Variants in OPA1 observed in about 807,000 individuals in gnomAD.
The protein encoded by OPA1 is dynamin-like GTPase OPA1, mitochondrial.
A neutral mutation model predicts 152.9 loss-of-function variants in OPA1; 59 were observed. The ratio of observed to expected loss-of-function variants is 0.39; its 90% confidence interval spans 0.31 to 0.48. The LOEUF is 0.48. Among genes scored for constraint, OPA1 ranks in the 20% least tolerant of loss-of-function variants. OPA1 has a pLI of 0.96. For missense variants in OPA1, 1,008 were observed against 1,216.8 expected (o/e 0.83, Z 2.55); for synonymous variants, 400 against 389.9 (o/e 1.03, Z -0.31).
At chr3:193,609,537 A>C (rs1440892074) in intron 1 of OPA1, among the ~76,000 whole-genome samples, 1 of 151,932 alleles carries the variant, frequency 6.6e-6, no homozygotes, top group Non-Finnish European at 1.5e-5. Context: ...CTTTTCGAGG[A>C]GTATCTTTGT....
At chr3:193,611,671 C>T (rs188136127) in intron 1 of OPA1, among the ~76,000 whole-genome samples, 24 of 149,108 alleles carry the variant, frequency 1.6e-4, no homozygotes, top group Admixed American at 4.0e-4. Flanking sequence ...CCCATTGCAA[C>T]TTATGTTTTT....
intron 29 of OPA1, among the ~76,000 whole-genome samples, chr3:193,684,271 T>G (rs938922158): frequency 6.6e-6 from 1 of 152,142 alleles, no homozygotes; most frequent in African/African-American, 2.4e-5. Context: ...TTGGTTTGGC[T>G]TATCTAAAGA....
chr3:193,621,104 G>C (rs912906155), intron 6 of OPA1, among the ~76,000 whole-genome samples: 2 of 152,232 alleles, frequency 1.3e-5, no homozygotes, highest in Admixed American at 6.5e-5. Context: ...TTTAATGGTT[G>C]TCAGGTTTGT....
chr3:193,612,155 G>A (rs1198006552), intron 1 of OPA1, among the ~76,000 whole-genome samples: 6 of 152,080 alleles, frequency 3.9e-5, no homozygotes, highest in Non-Finnish European at 8.8e-5. Context: ...TTGGACCAGG[G>A]AAGTCCTTCA....
At chr3:193,641,392 G>C (rs919252854) in intron 11 of OPA1, among the ~76,000 whole-genome samples, 3 of 152,128 alleles carry the variant, frequency 2.0e-5, no homozygotes, top group Admixed American at 6.5e-5. Flanking sequence ...CTCCTTAGCA[G>C]CTTCTTTCTG....
chr3:193,668,591 C>T (rs1717209489), intron 29 of OPA1: 3 of 1,543,270 alleles, frequency 1.9e-6, no homozygotes, highest in African/African-American at 2.7e-5. Flanking sequence ...ACCCTCTTTA[C>T]CCTGCCTGTG....
intron 11 of OPA1, among the ~76,000 whole-genome samples, chr3:193,641,152 A>G (rs1368749277): frequency 6.6e-6 from 1 of 152,228 alleles, no homozygotes; most frequent in African/African-American, 2.4e-5. Flanking sequence ...TTACATTGTT[A>G]CTAGCATCCT....
At chr3:193,621,264 T>TG (rs2108905422) in intron 6 of OPA1, among the ~76,000 whole-genome samples, 1 of 152,324 alleles carries the variant, frequency 6.6e-6, no homozygotes, top group African/African-American at 2.4e-5. Context: ...TCTGGAGAAG[T>TG]GCTGGCAACT....
chr3:193,597,706 AAAAG>A (rs1414643349), intron 1 of OPA1, among the ~76,000 whole-genome samples: 1 of 151,668 alleles, frequency 6.6e-6, no homozygotes, highest in Non-Finnish European at 1.5e-5. Context: ...AAAAAAAAAA[AAAAG>A]AAATGGAAAT....
At chr3:193,667,123 A>C (rs777455927) in intron 28 of OPA1, 47 bp from the exon 29 acceptor site, 5 of 886,768 alleles carry the variant, frequency 5.6e-6, no homozygotes, top group Middle Eastern at 2.1e-4. Context: ...ATCTTTATTC[A>C]TTTATAAAAA....
intron 19 of OPA1, 26 bp from the exon 20 acceptor site, chr3:193,648,044 A>C (rs1361075532): frequency 6.4e-7 from 1 of 1,573,838 alleles, no homozygotes; most frequent in African/African-American, 1.3e-5. Context: ...AGGGTCATCA[A>C]ACTTGAACTT....
intron 29 of OPA1, among the ~76,000 whole-genome samples, chr3:193,676,728 C>T (rs1037890624): frequency 6.6e-6 from 1 of 152,100 alleles, no homozygotes; most frequent in Non-Finnish European, 1.5e-5. Context: ...CGCCTGTAAT[C>T]CCAGCACTTT....
intron 29 of OPA1, among the ~76,000 whole-genome samples, chr3:193,676,835 G>A (rs190617037): frequency 4.3e-4 from 65 of 152,144 alleles, no homozygotes; most frequent in African/African-American, 1.5e-3. Flanking sequence ...AAAAAATTTA[G>A]CCAGGCGTGG....
intron 1 of OPA1, among the ~76,000 whole-genome samples, chr3:193,595,942 A>G (rs1265101612): frequency 6.6e-6 from 1 of 152,172 alleles, no homozygotes; most frequent in Non-Finnish European, 1.5e-5. Flanking sequence ...CCCTATGTAT[A>G]TATGCACACT....
At chr3:193,661,117 C>T (rs2109212795) in intron 25 of OPA1, among the ~76,000 whole-genome samples, 1 of 152,310 alleles carries the variant, frequency 6.6e-6, no homozygotes, top group Middle Eastern at 3.4e-3. Flanking sequence ...TTGTCAGGAA[C>T]TTAAACCCAT....
chr3:193,663,472 C>T (rs554402889), intron 26 of OPA1, among the ~76,000 whole-genome samples: 2 of 152,066 alleles, frequency 1.3e-5, no homozygotes, highest in Admixed American at 6.6e-5. Context: ...AAATAGTCTA[C>T]ACTTTAGGCT....
chr3:193,631,752 C>A, intron 8 of OPA1, 87 bp downstream of exon 8: 1 of 1,156,000 alleles, frequency 8.7e-7, no homozygotes, highest in Non-Finnish European at 1.3e-6. Flanking sequence ...ATTTTTTCAA[C>A]AGAGCAAAAT....
rs77893030 is a variant in OPA1 at position 193,678,792 on chromosome 3, T to C, written c.2983+11512T>C. ...GACCTGGCCTTCCTTTGTGTGCTTGTGTATTCATTATATCCCCTTTCTCTC... is the reference window on the plus strand; with the variant it reads ...GACCTGGCCTTCCTTTGTGTGCTTGCGTATTCATTATATCCCCTTTCTCTC... On this transcript the variant is annotated intron_variant, in intron 29 of 30. Transcript: ENST00000361510. Among the ~76,000 whole-genome samples the C allele has an allele frequency of 3.0e-4, 45 of 152,278 alleles. No homozygotes were observed. In the East Asian group the frequency reaches 8.3e-3, roughly 28 times the overall value.
intron 1 of OPA1, among the ~76,000 whole-genome samples, chr3:193,610,453 G>T (rs1236679015): frequency 6.6e-6 from 1 of 152,164 alleles, no homozygotes; most frequent in Non-Finnish European, 1.5e-5. Flanking sequence ...CCTACTGGGG[G>T]GTGCCTCCCA....
Sources: gnomAD v4.1 joint callset for allele counts (sites outside exome capture counted in the v4.1 genomes callset) on GRCh38, gnomAD v4.1.1 for gene constraint, MANE v1.5 for transcripts, NCBI Gene and HGNC (gene_info 2026-07-23, HGNC 2026-07-21) for gene names.